RANBP2: variants seen among roughly 807,000 people sequenced by gnomAD.
The protein encoded by RANBP2 is RAN binding protein 2, also known as E3 SUMO-protein ligase RanBP2.
Under a neutral mutation model 303.6 loss-of-function variants are expected in RANBP2, and 57 were observed. The observed-to-expected ratio is 0.19, with a 90% CI of 0.15 to 0.23. RANBP2 has a LOEUF of 0.23. RANBP2 is among the 10% of genes least tolerant of loss of function. The pLI, the probability that RANBP2 is intolerant of heterozygous loss-of-function variation, is 1.00. For missense variants in RANBP2, 3,138 were observed against 3,780.8 expected (o/e 0.83, Z 4.46); for synonymous variants, 1,167 against 1,301.5 (o/e 0.90, Z 2.23).
the RANBP2 span, among the ~76,000 whole-genome samples, chr2:109,486,698 C>A: frequency 6.6e-6 from 1 of 152,028 alleles, no homozygotes; most frequent in Non-Finnish European, 1.5e-5. Context: ...TTGCACCCAG[C>A]AGTGTGGTTG....
the RANBP2 span, among the ~76,000 whole-genome samples, chr2:109,547,695 G>A: frequency 2.6e-5 from 4 of 152,030 alleles, no homozygotes; most frequent in African/African-American, 9.7e-5. Context: ...AAGCTATGAA[G>A]GGCATAAAAC....
At chr2:109,680,070 G>A in the RANBP2 span, among the ~76,000 whole-genome samples, 1 of 151,968 alleles carries the variant, frequency 6.6e-6, no homozygotes, top group East Asian at 1.9e-4. Flanking sequence ...AGAGGGCCGG[G>A]TGTGATGGCT....
At chr2:109,363,674 CTTGT>C in the RANBP2 span, among the ~76,000 whole-genome samples, 1 of 152,120 alleles carries the variant, frequency 6.6e-6, no homozygotes. Context: ...TCACTCAATT[CTTGT>C]TTGTTTGACA....
chr2:109,224,562 T>C, the RANBP2 span, among the ~76,000 whole-genome samples: 3 of 152,194 alleles, frequency 2.0e-5, no homozygotes, highest in African/African-American at 7.2e-5. Flanking sequence ...GAAGTGGCTT[T>C]TAAAATTTCA....
At chr2:108,738,371 A>G (rs998543570) in intron 6 of RANBP2, among the ~76,000 whole-genome samples, 22 of 151,540 alleles carry the variant, frequency 1.5e-4, no homozygotes, top group South Asian at 6.3e-4. Context: ...CACCGCGCCC[A>G]GCTGGTCCTG....
the RANBP2 span, among the ~76,000 whole-genome samples, chr2:108,830,936 A>T: frequency 6.6e-6 from 1 of 152,144 alleles, no homozygotes; most frequent in Non-Finnish European, 1.5e-5. Flanking sequence ...GCACTTTGGG[A>T]TGCCGAGGCA....
At chr2:109,248,754 TTC>T in the RANBP2 span, among the ~76,000 whole-genome samples, 92 of 151,480 alleles carry the variant, frequency 6.1e-4, no homozygotes, top group Non-Finnish European at 1.0e-3. Flanking sequence ...CTTTCCTTCC[TTC>T]TCTCTCTCTC....
At chr2:109,029,129 CA>C in the RANBP2 span, among the ~76,000 whole-genome samples, 2 of 151,590 alleles carry the variant, frequency 1.3e-5, no homozygotes, top group African/African-American at 4.9e-5. Context: ...TTCTAAACTA[CA>C]AAAATAAATA....
the RANBP2 span, among the ~76,000 whole-genome samples, chr2:109,051,964 G>A: frequency 6.6e-6 from 1 of 152,200 alleles, no homozygotes; most frequent in East Asian, 1.9e-4. Context: ...TAGCCAGGAT[G>A]GTCTCGATCT....
the RANBP2 span, among the ~76,000 whole-genome samples, chr2:109,123,647 T>C: frequency 6.6e-6 from 1 of 152,324 alleles, no homozygotes; most frequent in Admixed American, 6.5e-5. Context: ...TTGGATTGGT[T>C]ACATATTCCC....
At chr2:109,340,706 C>T in the RANBP2 span, among the ~76,000 whole-genome samples, 3 of 152,156 alleles carry the variant, frequency 2.0e-5, no homozygotes, top group African/African-American at 7.2e-5. Context: ...ACACAAAGCT[C>T]TTTTCGTATC....
chr2:109,266,268 ATG>A, the RANBP2 span, among the ~76,000 whole-genome samples: 1 of 149,846 alleles, frequency 6.7e-6, no homozygotes, highest in African/African-American at 2.5e-5. Context: ...TTGTGCGTGC[ATG>A]TGTTATTTGC....
chr2:109,204,001 G>A, the RANBP2 span, among the ~76,000 whole-genome samples: 1 of 152,192 alleles, frequency 6.6e-6, no homozygotes, highest in African/African-American at 2.4e-5. Context: ...AAGGGGCTCT[G>A]AGTGTGAAAA....
At chr2:108,947,337 G>A in the RANBP2 span, among the ~76,000 whole-genome samples, 16 of 152,272 alleles carry the variant, frequency 1.1e-4, no homozygotes, top group Middle Eastern at 6.8e-3. Flanking sequence ...GATTTTCCAA[G>A]TGCATGGTGC....
At chr2:109,616,871 C>T in the RANBP2 span, 1 of 166,988 alleles carries the variant, frequency 6.0e-6, no homozygotes, top group Non-Finnish European at 1.5e-5. Flanking sequence ...TAAAATGTTG[C>T]CTCTCTTTCG....
chr2:109,579,089 GAC>G, the RANBP2 span, among the ~76,000 whole-genome samples: 62 of 152,128 alleles, frequency 4.1e-4, no homozygotes, highest in Non-Finnish European at 1.0e-4. Context: ...TATCAGGAAA[GAC>G]AGAATATCAT....
At chr2:109,725,837 A>T in the RANBP2 span, among the ~76,000 whole-genome samples, 1 of 150,766 alleles carries the variant, frequency 6.6e-6, no homozygotes, top group African/African-American at 2.4e-5. Flanking sequence ...GGTTCAAGTG[A>T]CTCTCTTGTC....
At chr2:109,231,128 G>T in the RANBP2 span, among the ~76,000 whole-genome samples, 2 of 152,236 alleles carry the variant, frequency 1.3e-5, no homozygotes, top group Non-Finnish European at 2.9e-5. Flanking sequence ...TGCCTAGCAT[G>T]GACTTAGTGA....
At chr2:109,505,971 C>A in the RANBP2 span, among the ~76,000 whole-genome samples, 1 of 152,226 alleles carries the variant, frequency 6.6e-6, no homozygotes, top group Admixed American at 6.5e-5. Flanking sequence ...ATAGAAATTA[C>A]ACAGCAACCC....
Sources: allele counts gnomAD v4.1 joint callset (sites outside exome capture counted in the v4.1 genomes callset), GRCh38; gene constraint gnomAD v4.1.1; transcripts MANE v1.5; gene names NCBI Gene and HGNC (gene_info 2026-07-23, HGNC 2026-07-21).